The following SOS1 variants were observed in gnomAD, a reference collection of about 807,000 sequenced individuals.
The protein encoded by SOS1 is SOS Ras/Rac guanine nucleotide exchange factor 1, also known as son of sevenless homolog 1.
Under a neutral mutation model 157.6 loss-of-function variants are expected in SOS1, and 25 were observed. That is an observed-to-expected ratio of 0.16 (90% CI 0.12 to 0.22). The LOEUF (loss-of-function observed/expected upper bound fraction) is 0.22, where lower values mean the gene tolerates loss of function less well. SOS1 is among the 10% of genes least tolerant of loss of function. The pLI, the probability that SOS1 is intolerant of heterozygous loss-of-function variation, is 1.00. For missense variants in SOS1, 1,237 were observed against 1,599.1 expected (o/e 0.77, Z 3.86); for synonymous variants, 528 against 534.0 (o/e 0.99, Z 0.16).
chr2:39,016,071 C>T (rs557590026), intron 10 of SOS1, among the ~76,000 whole-genome samples: 2 of 151,812 alleles, frequency 1.3e-5, no homozygotes, highest in South Asian at 2.1e-4. Flanking sequence ...TCACTAAGAC[C>T]CATCCTAGGT....
At chr2:39,038,819 G>C (rs1452118100) in intron 6 of SOS1, among the ~76,000 whole-genome samples, 1 of 148,408 alleles carries the variant, frequency 6.7e-6, no homozygotes, top group African/African-American at 2.5e-5. Flanking sequence ...AAAGGACTTA[G>C]AATATTACAT....
At chr2:39,045,739 T>C (rs1480596973) in intron 6 of SOS1, among the ~76,000 whole-genome samples, 1 of 152,228 alleles carries the variant, frequency 6.6e-6, no homozygotes, top group Admixed American at 6.5e-5. Context: ...AGACGGAGTC[T>C]TGCTCTGTCG....
intron 5 of SOS1, among the ~76,000 whole-genome samples, chr2:39,053,427 C>A (rs755551664): frequency 1.3e-5 from 2 of 152,082 alleles, no homozygotes; most frequent in Non-Finnish European, 2.9e-5. Flanking sequence ...TCCTCAGAAA[C>A]CTTTGCCTCT....
chr2:39,075,885 C>T (rs1318708675), intron 1 of SOS1, among the ~76,000 whole-genome samples: 4 of 152,038 alleles, frequency 2.6e-5, no homozygotes, highest in Non-Finnish European at 1.5e-5. Context: ...TATAAATTAT[C>T]AAAACTGACT....
intron 21 of SOS1, 30 bp from the exon 22 acceptor site, chr2:38,987,621 T>C (rs1007263417): frequency 1.9e-6 from 2 of 1,056,806 alleles, no homozygotes; most frequent in East Asian, 4.8e-5. Flanking sequence ...TAAGAAAAAG[T>C]CCACAGGAAT....
chr2:39,045,662 G>C (rs1271344962), intron 6 of SOS1, among the ~76,000 whole-genome samples: 2 of 152,092 alleles, frequency 1.3e-5, no homozygotes, highest in African/African-American at 4.8e-5. Context: ...CTGTGGTTCT[G>C]TTTTAAGAAA....
intron 1 of SOS1, among the ~76,000 whole-genome samples, chr2:39,115,023 A>G (rs1673592306): frequency 6.6e-6 from 1 of 151,508 alleles, no homozygotes; most frequent in African/African-American, 2.4e-5. Context: ...CCTATACACT[A>G]TTTCCCACTC....
chr2:38,987,626 A>T, intron 21 of SOS1, 35 bp from the exon 22 acceptor site: 1 of 1,019,010 alleles, frequency 9.8e-7, no homozygotes, highest in Non-Finnish European at 1.5e-6. Context: ...AAAAGTCCAC[A>T]GGAATTTTAT....
intron 1 of SOS1, among the ~76,000 whole-genome samples, chr2:39,108,273 T>C (rs904089339): frequency 1.3e-5 from 2 of 152,168 alleles, no homozygotes; most frequent in African/African-American, 2.4e-5. Context: ...CTTTCCTGCC[T>C]ACAGTTCAGT....
intron 17 of SOS1, among the ~76,000 whole-genome samples, chr2:38,998,692 G>A (rs914476974): frequency 3.9e-5 from 6 of 152,188 alleles, no homozygotes; most frequent in Non-Finnish European, 7.3e-5. Flanking sequence ...CCTGACGAAC[G>A]TTAAGTATTA....
intron 1 of SOS1, among the ~76,000 whole-genome samples, chr2:39,113,893 C>A (rs1183713205): frequency 2.0e-5 from 3 of 152,178 alleles, no homozygotes; most frequent in Admixed American, 2.0e-4. Flanking sequence ...TTCCAAGCTT[C>A]TAGAAAAAAA....
intron 9 of SOS1, among the ~76,000 whole-genome samples, chr2:39,023,433 G>C (rs1443000773): frequency 6.6e-6 from 1 of 151,932 alleles, no homozygotes; most frequent in Non-Finnish European, 1.5e-5. Context: ...AAAGCACAAT[G>C]ATTGCTGACA....
At chr2:39,020,124 C>T (rs1481934645) in intron 10 of SOS1, among the ~76,000 whole-genome samples, 3 of 151,450 alleles carry the variant, frequency 2.0e-5, no homozygotes, top group South Asian at 2.1e-4. Flanking sequence ...GGAATTAACT[C>T]GTAATAGAAC....
intron 6 of SOS1, among the ~76,000 whole-genome samples, chr2:39,038,376 C>G (rs1282742164): frequency 1.3e-5 from 2 of 152,034 alleles, no homozygotes; most frequent in Non-Finnish European, 2.9e-5. Context: ...GATGATGTGA[C>G]TTGAATTGCT....
chr2:39,022,789 G>A lies in SOS1; in HGVS notation c.1639C>T (p.Arg547Trp). The change falls in exon 10 of 23, where the codon CGG becomes TGG. Residue 547 changes from arginine to tryptophan, a missense_variant. Coordinates refer to ENST00000402219, the MANE Select transcript of SOS1 (RefSeq NM_005633.4). ...WMAALISLQY[R>W]STLERMLDVT... ...TCAAGCATCCTTTCCAGTGTACTCC[G>A]GTACTGTAAAGATATCAATGCTGCC... 1 of 1,612,942 alleles carries A rather than the reference G, an allele frequency of 6.2e-7. No individual in the cohort carries two copies.
rs1672553937 is a variant in SOS1 at position 39,090,531 on chromosome 2, A to G, written c.88-22778T>C. Among the ~76,000 whole-genome samples, 2 of 151,954 alleles carry G rather than the reference A, an allele frequency of 1.3e-5. 1 individual carries two copies. The highest frequency in any genetic ancestry group is 2.9e-5 in the Non-Finnish European group (2 of 67,992). On this transcript the variant is annotated intron_variant, in intron 1 of 22. Transcript: ENST00000402219. ...GCCAACATGGCAAAACCCCATCTCT[A>G]TTAAAAATACAAAAATTAGCCAGGC...
At chr2:39,060,591 A>G (rs1671368011) in intron 2 of SOS1, among the ~76,000 whole-genome samples, 1 of 152,000 alleles carries the variant, frequency 6.6e-6, no homozygotes, top group Non-Finnish European at 1.5e-5. Flanking sequence ...ATGCCCAGCT[A>G]ATTTTTGTAT....
intron 20 of SOS1, 95 bp from the exon 21 acceptor site, chr2:38,989,409 C>T (rs1008148032): frequency 5.0e-6 from 4 of 794,812 alleles, no homozygotes; most frequent in Admixed American, 1.9e-5. Context: ...ATGTTATTGT[C>T]ATTGTCGTTT....
rs777196517 is a variant in SOS1, at chr2:39,120,370, T to A, written c.53A>T (p.Lys18Met). 6.2e-7 allele frequency: 1 copy of A among 1,602,286 alleles called. No individual in the cohort carries two copies. The highest frequency in any genetic ancestry group is 8.5e-7 in the Non-Finnish European group (1 of 1,175,438). Residue 18 changes from lysine to methionine, a missense_variant, in exon 1 of 23, where the codon AAG becomes ATG. Transcript: ENST00000402219. Reference sequence around the variant, plus strand: ...CGCAGGCACCAGTAGTCCCCGCCACTTGGGCGCGTTCTCTTCGCTGAAAAA... The same window carrying A: ...CGCAGGCACCAGTAGTCCCCGCCACATGGGCGCGTTCTCTTCGCTGAAAAA... ...YEFFSEENAP[K>M]WRGLLVPALK...
Sources: allele counts gnomAD v4.1 joint callset (sites outside exome capture counted in the v4.1 genomes callset), GRCh38; gene constraint gnomAD v4.1.1; transcripts MANE v1.5; gene names NCBI Gene and HGNC (gene_info 2026-07-23, HGNC 2026-07-21).